The following CEP57L1 variants were observed in gnomAD, a reference collection of about 807,000 sequenced individuals.
CEP57L1 encodes the protein centrosomal protein CEP57L1.
Under a neutral mutation model 61.0 loss-of-function variants are expected in CEP57L1, and 37 were observed. The ratio of observed to expected loss-of-function variants is 0.61; its 90% CI spans 0.47 to 0.80. The LOEUF (loss-of-function observed/expected upper bound fraction) is 0.80. Among genes scored for constraint, CEP57L1 ranks in the 30% least tolerant of loss-of-function variants. The pLI is 0.00. For synonymous variants in CEP57L1, 137 were observed against 162.3 expected, an observed-to-expected ratio of 0.84 and a Z score of 1.19; for missense variants, 422 against 524.7, an observed-to-expected ratio of 0.80 and a Z score of 1.91.
intron 1 of CEP57L1, among the ~76,000 whole-genome samples, chr6:109,110,393 A>AT (rs1182848740): frequency 2.0e-5 from 3 of 151,774 alleles, no homozygotes; most frequent in African/African-American, 7.3e-5. Flanking sequence ...TGGTTGTTTG[A>AT]TTTTTTCTTG....
intron 1 of CEP57L1, among the ~76,000 whole-genome samples, chr6:109,116,553 TAC>T: frequency 6.6e-6 from 1 of 152,318 alleles, no homozygotes; most frequent in Non-Finnish European, 1.5e-5. Context: ...TTTATATAGG[TAC>T]AGTTTCAATC....
At position 109,158,420 on chromosome 6, in the gene CEP57L1, C is replaced by T. The variant is rs916608705; in HGVS notation, c.745-605C>T. 31 of 292,018 alleles carry T rather than the reference C, an allele frequency of 1.1e-4. 1 individual carries two copies. Among genetic ancestry groups the T allele is most frequent in the South Asian group, 4.4e-4 (15 of 34,432 alleles). 18.1% of individuals were successfully genotyped at this position (292,018 alleles called of 1,614,324 possible). On this transcript the variant is annotated intron_variant, in intron 7 of 10. Transcript: ENST00000517392. ...AGGAGAATCGCTTGAGCCTGGGAGA[C>T]GGAGGTTGCGGTGAGCCAAGATCAT...
intron 1 of CEP57L1, among the ~76,000 whole-genome samples, chr6:109,124,447 T>C (rs1773321421): frequency 6.6e-6 from 1 of 152,212 alleles, no homozygotes; most frequent in Non-Finnish European, 1.5e-5. Flanking sequence ...TGATTTAGAA[T>C]GTGAACTTTA....
At chr6:109,141,087 C>T (rs1345211153) in intron 1 of CEP57L1, among the ~76,000 whole-genome samples, 1 of 152,034 alleles carries the variant, frequency 6.6e-6, no homozygotes, top group Non-Finnish European at 1.5e-5. Context: ...GCCTCGGCCT[C>T]CCAAAGTGCT....
Position 109,160,681 on chromosome 6 carries a change from G to A in CEP57L1, c.1126G>A (p.Glu376Lys), listed in dbSNP as rs370565180. Reference protein sequence around the residue: ...CLLKKMEIKGEQISKLKKHQD... With the variant: ...CLLKKMEIKGKQISKLKKHQD... ...ACTCAAGAAAATGGAAATTAAAGGA[G>A]AACAAATCTCCAAACTGAAGAAGCA... Residue 376 changes from glutamate to lysine, a missense_variant, in exon 10 of 11, where the codon GAA becomes AAA. By Grantham distance (56) the Glu-to-Lys change is moderately conservative. Coordinates refer to ENST00000517392, the MANE Select transcript of CEP57L1 (RefSeq NM_001271852.3). 3.7e-6 allele frequency: 6 copies of A among 1,605,730 alleles called. No individual in the cohort carries two copies. Among genetic ancestry groups the A allele is most frequent in the East Asian group, 2.2e-5 (1 of 44,504 alleles).
chr6:109,118,059 G>A lies in CEP57L1; in HGVS notation c.-4+22484G>A, dbSNP rs190193924. Among the ~76,000 whole-genome samples, 320 of 152,248 alleles carry A rather than the reference G, an allele frequency of 2.1e-3. 2 individuals are homozygous for A. Among genetic ancestry groups the A allele is most frequent in the Middle Eastern group, 6.8e-3 (2 of 294 alleles). ...TAGTTGTTGTTGTTGTTTTTGAGAC[G>A]GAGTCTCACTCTGTCGCCCAGGCTG... is the stretch of plus-strand genomic sequence containing the variant. On this transcript the variant is annotated intron_variant, in intron 1 of 10. Transcript: ENST00000517392.
At chr6:109,127,463 A>G (rs1773686999) in intron 1 of CEP57L1, among the ~76,000 whole-genome samples, 1 of 152,136 alleles carries the variant, frequency 6.6e-6, no homozygotes, top group Non-Finnish European at 1.5e-5. Context: ...ATTAGAAAAT[A>G]GTAAATACTT....
At chr6:109,111,498 C>G (rs916679331) in intron 1 of CEP57L1, among the ~76,000 whole-genome samples, 2 of 152,092 alleles carry the variant, frequency 1.3e-5, no homozygotes, top group Non-Finnish European at 2.9e-5. Flanking sequence ...TCTTTTCCTA[C>G]TTGAATACCC....
chr6:109,164,258 T>C lies in CEP57L1; in HGVS notation c.*1288T>C, dbSNP rs978800125. ...CTAGGAAATTCCCAAGAAGCTTGTG[T>C]AGGAAAAAGTTGGTAATTATGGATC... On this transcript the variant is annotated 3_prime_UTR_variant, in exon 11 of 11. Transcript: ENST00000517392. Among the ~76,000 whole-genome samples, 2 of 152,142 alleles carry C rather than the reference T, an allele frequency of 1.3e-5. No individual in the cohort carries two copies. The highest frequency in any genetic ancestry group is 2.9e-5 in the Non-Finnish European group (2 of 68,028).
chr6:109,158,465 G>A (rs1018692549), intron 7 of CEP57L1: 5 of 351,452 alleles, frequency 1.4e-5, no homozygotes, highest in African/African-American at 1.1e-4. Flanking sequence ...CCCCAGTCTG[G>A]GTGACAGAAT....
Position 109,163,490 on chromosome 6 carries a change from T to G in CEP57L1, c.*520T>G, listed in dbSNP as rs1773894306. 1 of 152,398 alleles carries G rather than the reference T, an allele frequency of 6.6e-6. No individual in the cohort carries two copies. Among genetic ancestry groups the G allele is most frequent in the Non-Finnish European group, 1.5e-5 (1 of 68,188 alleles). The allele number at this position is 152,398 out of a possible 1,614,324, so 9.4% of individuals were successfully genotyped here. A position where few individuals can be genotyped will look rare whatever the true frequency, so the allele number is the denominator to read the frequency against. ...CACAGTTTTGTGAAGAAGCCTTTAA[T>G]CCAAGTTTTATGAGACAGTAGGAAC... On this transcript the variant is annotated 3_prime_UTR_variant, in exon 11 of 11. Transcript: ENST00000517392.
rs1317087238 is a variant in CEP57L1, at chr6:109,134,662, C to T, written c.-3-10557C>T. 5.9e-5 allele frequency among the ~76,000 whole-genome samples: 9 copies of T among 152,170 alleles called. No individual in the cohort carries two copies. In the East Asian group the frequency reaches 1.5e-3, roughly 26 times the overall value. On this transcript the variant is annotated intron_variant, in intron 1 of 10. Coordinates refer to ENST00000517392, the MANE Select transcript of CEP57L1 (RefSeq NM_001271852.3). ...ATGACATGATTGTATATGTAGACAA[C>T]CCCATCGTCTCAGCCCAAAATCTCC...
intron 1 of CEP57L1, among the ~76,000 whole-genome samples, chr6:109,124,718 T>A (rs1019966137): frequency 1.3e-5 from 2 of 152,200 alleles, no homozygotes; most frequent in South Asian, 4.1e-4. Flanking sequence ...TTTCTTTTGC[T>A]TGTGAAATGC....
At chr6:109,131,340 T>C (rs1266935508) in intron 1 of CEP57L1, among the ~76,000 whole-genome samples, 1 of 152,154 alleles carries the variant, frequency 6.6e-6, no homozygotes, top group Non-Finnish European at 1.5e-5. Context: ...AGCCTATAGA[T>C]TGTTTACTGT....
At chr6:109,131,437 A>G (rs1032631765) in intron 1 of CEP57L1, among the ~76,000 whole-genome samples, 1 of 152,190 alleles carries the variant, frequency 6.6e-6, no homozygotes, top group African/African-American at 2.4e-5. Flanking sequence ...GAAGAAGAAC[A>G]AACTTTACAG....
Position 109,136,174 on chromosome 6 carries a change from C to A in CEP57L1, c.-3-9045C>A, listed in dbSNP as rs557592736. On this transcript the variant is annotated intron_variant, in intron 1 of 10. Transcript: ENST00000517392. ...AGACTTAGAACCAACCCAAATGTCC[C>A]TCAGTGATAGACTGGATTAAGAAAA... 8.3e-3 allele frequency among the ~76,000 whole-genome samples: 1,259 copies of A among 152,222 alleles called. 24 individuals are homozygous for A. Among genetic ancestry groups the A allele is most frequent in the African/African-American group, 0.029 (1,208 of 41,518 alleles).
intron 1 of CEP57L1, among the ~76,000 whole-genome samples, chr6:109,113,066 G>T (rs1771857199): frequency 6.6e-6 from 1 of 152,094 alleles, no homozygotes; most frequent in Non-Finnish European, 1.5e-5. Flanking sequence ...GAATATCCTT[G>T]TTAATTGTCT....
intron 1 of CEP57L1, among the ~76,000 whole-genome samples, chr6:109,135,670 C>T (rs1302573768): frequency 6.6e-6 from 1 of 152,122 alleles, no homozygotes; most frequent in Non-Finnish European, 1.5e-5. Context: ...ACTCATCTGA[C>T]AAAGGGCTAA....
chr6:109,101,202 TCA>T (rs2114552126), intron 1 of CEP57L1, among the ~76,000 whole-genome samples: 1 of 152,362 alleles, frequency 6.6e-6, no homozygotes, highest in South Asian at 2.1e-4. Context: ...CAGTAAATTT[TCA>T]CAGTTACATT....
Sources: gnomAD v4.1 joint callset for allele counts (sites outside exome capture counted in the v4.1 genomes callset) on GRCh38, gnomAD v4.1.1 for gene constraint, MANE v1.5 for transcripts, NCBI Gene and HGNC (gene_info 2026-07-23, HGNC 2026-07-21) for gene names.